The following VIT variants were observed in gnomAD, a reference collection of about 807,000 sequenced individuals.
VIT encodes the protein vitrin.
VIT carries 99 observed loss-of-function variants against 78.0 expected under a neutral mutation model. The ratio of observed to expected loss-of-function variants is 1.27; its 90% CI spans 1.08 to 1.50. The LOEUF is 1.50. Among genes scored for constraint, VIT ranks in the 40% most tolerant of loss-of-function variants. VIT has a pLI of 0.00. For missense variants in VIT, 1,126 were observed against 875.3 expected (o/e 1.29, Z -3.61); for synonymous variants, 374 against 334.3 (o/e 1.12, Z -1.29).
At chr2:36,792,998 C>T (rs1210288883) in intron 12 of VIT, among the ~76,000 whole-genome samples, 1 of 152,174 alleles carries the variant, frequency 6.6e-6, no homozygotes, top group Non-Finnish European at 1.5e-5. Flanking sequence ...GTTAGAAATG[C>T]AGAACCTCAG....
At chr2:36,698,478 C>G (rs142641812) in intron 1 of VIT, among the ~76,000 whole-genome samples, 66 of 152,312 alleles carry the variant, frequency 4.3e-4, no homozygotes, top group African/African-American at 1.5e-3. Flanking sequence ...ATAGTAACAG[C>G]TCTGCCACTA....
chr2:36,711,277 C>T (rs1665781736), intron 1 of VIT, among the ~76,000 whole-genome samples: 1 of 152,256 alleles, frequency 6.6e-6, no homozygotes, highest in African/African-American at 2.4e-5. Context: ...ACTTCCTCCA[C>T]ATTTGACAAA....
At chr2:36,701,866 A>G (rs367604490) in intron 1 of VIT, among the ~76,000 whole-genome samples, 4 of 152,254 alleles carry the variant, frequency 2.6e-5, no homozygotes, top group Non-Finnish European at 5.9e-5. Context: ...ATAACATTCA[A>G]CAACAGCAGG....
chr2:36,799,985 C>A (rs1666197691), intron 12 of VIT, among the ~76,000 whole-genome samples: 1 of 149,490 alleles, frequency 6.7e-6, no homozygotes. Flanking sequence ...GAGGTGGAGA[C>A]TGCAGTGAGC....
chr2:36,743,035 C>T (rs1667926096), intron 3 of VIT, 65 bp from the exon 4 acceptor site: 5 of 1,592,322 alleles, frequency 3.1e-6, no homozygotes, highest in Non-Finnish European at 4.3e-6. Context: ...TGAGACCTAA[C>T]AGTGTCACCC....
At position 36,808,582 on chromosome 2, in the gene VIT, C is replaced by A; in HGVS notation, c.1500C>A (p.Ala500=). 5 of 1,614,210 alleles carry A rather than the reference C, an allele frequency of 3.1e-6. No individual in the cohort carries two copies. The highest frequency in any genetic ancestry group is 4.2e-6 in the Non-Finnish European group (5 of 1,180,052). ...GGGTCTGCGACACTGACCGCCTGGC[C>A]TGCAGCAAGACCTGCTTGAACTCGG... ...VKRVCDTDRL[A]CSKTCLNSAD... The change falls in exon 15 of 16, where the codon GCC becomes GCA. Residue 500 remains alanine (A), a synonymous_variant. Coordinates refer to ENST00000379242, the MANE Select transcript of VIT (RefSeq NM_053276.4).
At chr2:36,717,476 T>A (rs1207721539) in intron 2 of VIT, among the ~76,000 whole-genome samples, 1 of 149,632 alleles carries the variant, frequency 6.7e-6, no homozygotes, top group Non-Finnish European at 1.5e-5. Flanking sequence ...GACCTTGTGA[T>A]CCTCCTGCCT....
rs1170826237 is a variant in VIT, at chr2:36,809,004, G to A, written c.1903+19G>A. ...CTGAAGGGTAAGCTGGGCTTGCCAA[G>A]CAGCCTGGTGCTGAGGCTGCTTTCT... On this transcript the variant is annotated intron_variant, in intron 15 of 15. Coordinates refer to ENST00000379242, the MANE Select transcript of VIT (RefSeq NM_053276.4). 1 of 1,550,080 alleles carries A rather than the reference G, an allele frequency of 6.5e-7. No individual in the cohort carries two copies. Among genetic ancestry groups the A allele is most frequent in the Non-Finnish European group, 8.7e-7 (1 of 1,144,716 alleles).
At chr2:36,792,115 A>C (rs1412411634) in intron 12 of VIT, among the ~76,000 whole-genome samples, 2 of 152,142 alleles carry the variant, frequency 1.3e-5, no homozygotes, top group African/African-American at 2.4e-5. Flanking sequence ...GTCCTGCCTC[A>C]GACCTATTAA....
rs1010176556 is a variant in VIT, at chr2:36,814,243, C to T, written c.1964C>T (p.Ala655Val). The T allele has an allele frequency of 8.7e-6, 14 of 1,614,204 alleles. No homozygotes were observed. The highest frequency in any genetic ancestry group is 1.6e-4 in the Middle Eastern group (1 of 6,062). ...GCCCAAGAGGAGCTAGAAGTCATTG[C>T]CACTCACCCCGCCAGAGACCACTCC... is the stretch of plus-strand genomic sequence containing the variant. ...WAAQEELEVI[A>V]THPARDHSFF... Residue 655 changes from alanine (A) to valine (V), a missense_variant, in exon 16 of 16, where the codon GCC becomes GTC. Physicochemically the swap from Ala to Val is moderately conservative, Grantham distance 64. Coordinates refer to ENST00000379242, the MANE Select transcript of VIT (RefSeq NM_053276.4).
chr2:36,788,711 G>A lies in VIT; in HGVS notation c.1058+1435G>A, dbSNP rs57278869. Among the ~76,000 whole-genome samples the A allele has an allele frequency of 5.8e-3, 878 of 152,260 alleles. 3 individuals carry two copies. Among genetic ancestry groups the A allele is most frequent in the African/African-American group, 0.02 (832 of 41,540 alleles). ...GTTTTACTAGAGAGGAAACATACGC[G>A]TTTTAATGCCAAATGTCCTTAGTCA... On this transcript the variant is annotated intron_variant, in intron 12 of 15. Transcript: ENST00000379242.
In VIT at chr2:36,808,656, A is replaced by G; in HGVS notation, c.1574A>G (p.Asn525Ser). The G allele has an allele frequency of 1.9e-6, 3 of 1,614,182 alleles. No individual in the cohort carries two copies. The highest frequency in any genetic ancestry group is 4.5e-5 in the East Asian group (2 of 44,886). ...GGCTCCAGCAGTGTGGGGACGGGCA[A>G]CTTCCGCACCGTCCTCCAGTTTGTG... ...IDGSSSVGTGNFRTVLQFVTN... is the reference protein window; with the variant it reads ...IDGSSSVGTGSFRTVLQFVTN... The change falls in exon 15 of 16, where the codon AAC becomes AGC. Residue 525 changes from asparagine (N) to serine (S), a missense_variant. By Grantham distance (46) the Asn-to-Ser change is conservative. Transcript: ENST00000379242.
intron 12 of VIT, among the ~76,000 whole-genome samples, chr2:36,791,614 G>A (rs569823321): frequency 6.8e-4 from 104 of 152,324 alleles, no homozygotes; most frequent in Non-Finnish European, 1.4e-3. Context: ...GAGGTGTGAC[G>A]ATGGAAGCAT....
chr2:36,796,654 G>A lies in VIT; in HGVS notation c.1059-4647G>A, dbSNP rs565569970. Among the ~76,000 whole-genome samples the A allele has an allele frequency of 4.2e-4, 63 of 151,136 alleles. No individual in the cohort carries two copies. In the South Asian group the frequency reaches 0.013, roughly 31 times the overall value. ...TTTTTTTTAGTTTTTTGTTGTTGTT[G>A]TTTGTTTGTGTTTGTTTGCCCAGGC... On this transcript the variant is annotated intron_variant, in intron 12 of 15. Transcript: ENST00000379242.
intron 3 of VIT, among the ~76,000 whole-genome samples, chr2:36,735,537 C>T (rs115010580): frequency 0.012 from 1,880 of 152,316 alleles, 26 homozygotes; most frequent in Middle Eastern, 0.061. Context: ...TACTCAGTGT[C>T]CAAGTCCATG....
chr2:36,716,879 T>C (rs1265148398), intron 2 of VIT, among the ~76,000 whole-genome samples: 3 of 142,024 alleles, frequency 2.1e-5, no homozygotes, highest in African/African-American at 7.9e-5. Flanking sequence ...CTTTTTTTTT[T>C]TTTTTTTTTT....
chr2:36,803,489 G>A (rs563716127), intron 13 of VIT, among the ~76,000 whole-genome samples: 49 of 152,294 alleles, frequency 3.2e-4, no homozygotes, highest in African/African-American at 9.4e-4. Flanking sequence ...TTCTCATGGC[G>A]TCTTGTGCTC....
chr2:36,754,413 C>T (rs2148548336), intron 4 of VIT, among the ~76,000 whole-genome samples: 1 of 152,100 alleles, frequency 6.6e-6, no homozygotes, highest in East Asian at 1.9e-4. Flanking sequence ...TGGCAAAATC[C>T]CAGAAATTTA....
chr2:36,720,934 C>T (rs538160334), intron 2 of VIT, among the ~76,000 whole-genome samples: 176 of 152,040 alleles, frequency 1.2e-3, no homozygotes, highest in Non-Finnish European at 1.8e-3. Context: ...TGCTGGAACC[C>T]AGGAGGCAGA....
Sources: allele counts gnomAD v4.1 joint callset (sites outside exome capture counted in the v4.1 genomes callset), GRCh38; gene constraint gnomAD v4.1.1; transcripts MANE v1.5; gene names NCBI Gene and HGNC (gene_info 2026-07-23, HGNC 2026-07-21).